Variants in UFL1 observed in about 807,000 individuals in gnomAD.
The protein encoded by UFL1 is UFM1 specific ligase 1.
A neutral mutation model predicts 99.3 loss-of-function variants in UFL1; 78 were observed. The ratio of observed to expected loss-of-function variants is 0.79; its 90% CI spans 0.65 to 0.95. The LOEUF is 0.95. Among genes scored for constraint, UFL1 ranks in the 40% least tolerant of loss-of-function variants. The probability of loss-of-function intolerance (pLI) is 0.00; values close to 1 mark genes in which losing one functional copy is unlikely to be tolerated. For missense variants in UFL1, 936 were observed against 937.0 expected (o/e 1.00, Z 0.01); for synonymous variants, 335 against 322.2 (o/e 1.04, Z -0.42).
intron 6 of UFL1, among the ~76,000 whole-genome samples, chr6:96,533,196 C>A (rs1037372032): frequency 6.6e-6 from 1 of 151,496 alleles, no homozygotes; most frequent in Non-Finnish European, 1.5e-5. Flanking sequence ...AGATTCTTTT[C>A]TTGTATCCTT....
chr6:96,549,885 G>A, intron 15 of UFL1, 86 bp downstream of exon 15: 5 of 1,502,022 alleles, frequency 3.3e-6, no homozygotes, highest in South Asian at 1.4e-5. Context: ...GAGTAAAGAG[G>A]AAAATAAAAT....
At chr6:96,531,470 C>T (rs1388270048) in intron 6 of UFL1, among the ~76,000 whole-genome samples, 1 of 152,092 alleles carries the variant, frequency 6.6e-6, no homozygotes, top group African/African-American at 2.4e-5. Context: ...CCTTATGTGA[C>T]TGGTTTCCCA....
chr6:96,554,469 T>TA lies in UFL1; in HGVS notation c.*969dup, dbSNP rs1282854943. 6.6e-6 allele frequency: 1 copy of TA among 152,068 alleles called. No individual in the cohort carries two copies. Among genetic ancestry groups the TA allele is most frequent in the East Asian group, 1.9e-4 (1 of 5,186 alleles). 9.4% of individuals were successfully genotyped at this position (152,068 alleles called of 1,614,324 possible). On this transcript the variant is annotated 3_prime_UTR_variant, in exon 19 of 19. Coordinates refer to ENST00000369278, the MANE Select transcript of UFL1 (RefSeq NM_015323.5). ...TTATTAAAAAATAGACATTTTTTTCTAAAGATTATTAGTTAAAAATAACTA... is the reference window on the plus strand; with the variant it reads ...TTATTAAAAAATAGACATTTTTTTCTAAAAGATTATTAGTTAAAAATAACTA...
At chr6:96,534,384 T>A in intron 7 of UFL1, 63 bp downstream of exon 7, 4 of 1,232,208 alleles carry the variant, frequency 3.2e-6, no homozygotes, top group Non-Finnish European at 4.5e-6. Context: ...ATGTAAAACT[T>A]ACTAACTTTA....
rs1041252727 is a variant in UFL1 at position 96,554,320 on chromosome 6, T to C, written c.*817T>C. On this transcript the variant is annotated 3_prime_UTR_variant, in exon 19 of 19. Coordinates refer to ENST00000369278, the MANE Select transcript of UFL1 (RefSeq NM_015323.5). Reference sequence around the variant, plus strand: ...CATTTTATTTTTTTAGTTCAACAGCTGCTCTGTCACATAATACTTTGTAAA... The same window carrying C: ...CATTTTATTTTTTTAGTTCAACAGCCGCTCTGTCACATAATACTTTGTAAA... 1 of 152,192 alleles carries C rather than the reference T, an allele frequency of 6.6e-6. No homozygotes were observed. The highest frequency in any genetic ancestry group is 2.4e-5 in the African/African-American group (1 of 41,454). 9.4% of individuals were successfully genotyped at this position (152,192 alleles called of 1,614,324 possible). A position where few individuals can be genotyped will look rare whatever the true frequency, so the allele number is the denominator to read the frequency against.
chr6:96,533,734 T>G (rs911528239), intron 6 of UFL1, among the ~76,000 whole-genome samples: 3 of 150,086 alleles, frequency 2.0e-5, no homozygotes, highest in Non-Finnish European at 4.4e-5. Flanking sequence ...TTATACCTTA[T>G]TGCAATAAAA....
chr6:96,544,431 G>T (rs1047273448), intron 12 of UFL1, among the ~76,000 whole-genome samples: 1 of 150,666 alleles, frequency 6.6e-6, no homozygotes, highest in Non-Finnish European at 1.5e-5. Flanking sequence ...AATGATAATA[G>T]ATTGAGATTT....
chr6:96,530,077 G>T (rs1032494557), intron 6 of UFL1, among the ~76,000 whole-genome samples: 2 of 152,060 alleles, frequency 1.3e-5, no homozygotes, highest in South Asian at 4.1e-4. Flanking sequence ...TGTTCTACTG[G>T]TTATTGTAAT....
At chr6:96,547,080 C>T (rs1284494803) in intron 12 of UFL1, among the ~76,000 whole-genome samples, 3 of 151,470 alleles carry the variant, frequency 2.0e-5, no homozygotes, top group Non-Finnish European at 4.4e-5. Flanking sequence ...AAAATATATG[C>T]GAATTATGCT....
rs1399109627 is a variant in UFL1 at position 96,522,081 on chromosome 6, C to T, written c.77+131C>T. On this transcript the variant is annotated intron_variant, in intron 1 of 18. Transcript: ENST00000369278. ...TGCTTGTCACCATTCTCTCCTCCTC[C>T]CTCTGTCCCGAGCCTGGATCGCAGT... The T allele has an allele frequency of 8.6e-5, 93 of 1,077,044 alleles. No individual in the cohort carries two copies. The East Asian group carries it at 2.2e-3, about 25-fold the overall frequency. The allele number at this position is 1,077,044 out of a possible 1,614,324, so 66.7% of individuals were successfully genotyped here. A position where few individuals can be genotyped will look rare whatever the true frequency, so the allele number is the denominator to read the frequency against.
At position 96,521,898 on chromosome 6, in the gene UFL1, A is replaced by G. The variant is rs1239092602; in HGVS notation, c.25A>G (p.Arg9Gly). Residue 9 changes from arginine to glycine, a missense_variant, in exon 1 of 19, where the codon AGG becomes GGG. Transcript: ENST00000369278. MADAWEEI[R>G]RLAADFQRAQ... ...GATGGCGGACGCCTGGGAAGAGATT[A>G]GGCGGTTGGCGGCCGACTTCCAGCG... 6.2e-7 allele frequency: 1 copy of G among 1,612,694 alleles called. No homozygotes were observed. Among genetic ancestry groups the G allele is most frequent in the South Asian group, 1.1e-5 (1 of 90,696 alleles).
At chr6:96,535,836 A>C (rs1769845044) in intron 7 of UFL1, among the ~76,000 whole-genome samples, 1 of 152,060 alleles carries the variant, frequency 6.6e-6, no homozygotes, top group Non-Finnish European at 1.5e-5. Context: ...ATTTTTTTAA[A>C]TATTAAAAAA....
At position 96,548,268 on chromosome 6, in the gene UFL1, G is replaced by T; in HGVS notation, c.1507G>T (p.Glu503Ter). The change falls in exon 13 of 19, where the codon GAG (glutamate) becomes TAG (stop). Residue 503 changes from glutamate to a stop codon, truncating the protein, a stop_gained. Coordinates refer to ENST00000369278, the MANE Select transcript of UFL1 (RefSeq NM_015323.5). LOFTEE classifies it high-confidence loss of function. ...TGAGGAGTTTATTTCGGAACTTGCT[G>T]AGTACTTAATAAAGCAAGTATAAAA... ...APEEFISELA[E>*]YLIKPLNKTY... 1 of 1,583,960 alleles carries T rather than the reference G, an allele frequency of 6.3e-7. No individual in the cohort carries two copies. Among genetic ancestry groups the T allele is most frequent in the South Asian group, 1.2e-5 (1 of 86,802 alleles).
chr6:96,529,903 A>G (rs1291152989), intron 6 of UFL1, among the ~76,000 whole-genome samples: 2 of 152,102 alleles, frequency 1.3e-5, no homozygotes, highest in Non-Finnish European at 2.9e-5. Flanking sequence ...TTTTTTCTGA[A>G]CAATTTGAGA....
In UFL1 at chr6:96,549,702, T is replaced by C; in HGVS notation, c.1721T>C (p.Leu574Pro). 1 of 1,612,228 alleles carries C rather than the reference T, an allele frequency of 6.2e-7. No homozygotes were observed. Among genetic ancestry groups the C allele is most frequent in the South Asian group, 1.1e-5 (1 of 90,940 alleles). ...CAGGCTGCTCTTACCAAACACTTGCTGAAGTCAGTGTGTACTGATATCACT... is the reference window on the plus strand; with the variant it reads ...CAGGCTGCTCTTACCAAACACTTGCCGAAGTCAGTGTGTACTGATATCACT... ...DTQAALTKHL[L>P]KSVCTDITNL... Residue 574 changes from leucine to proline, a missense_variant, in exon 15 of 19, where the codon CTG (leucine) becomes CCG (proline). Coordinates refer to ENST00000369278, the MANE Select transcript of UFL1 (RefSeq NM_015323.5).
chr6:96,525,591 C>T (rs1343877238), intron 4 of UFL1, among the ~76,000 whole-genome samples, 197 bp downstream of exon 4: 1 of 151,330 alleles, frequency 6.6e-6, no homozygotes, highest in South Asian at 2.1e-4. Flanking sequence ...CCTGTAATCC[C>T]AGCTACTCAG....
intron 6 of UFL1, among the ~76,000 whole-genome samples, chr6:96,530,713 G>C (rs1168505394): frequency 6.6e-6 from 1 of 152,132 alleles, no homozygotes; most frequent in Non-Finnish European, 1.5e-5. Flanking sequence ...TCTGGCTTAA[G>C]ATGTTCCAGG....
At position 96,548,297 on chromosome 6, in the gene UFL1, A is replaced by AT. The variant is rs1562256581; in HGVS notation, c.1520+22dup. 6.8e-7 allele frequency: 1 copy of AT among 1,463,936 alleles called. No homozygotes were observed. The highest frequency in any genetic ancestry group is 9.3e-7 in the Non-Finnish European group (1 of 1,077,090). 90.7% of individuals were successfully genotyped at this position (1,463,936 alleles called of 1,614,324 possible). ...ACTTAATAAAGCAAGTATAAAATGT[A>AT]TTTTTTCTGTTTTATGGTAGAAATT... On this transcript the variant is annotated intron_variant, in intron 13 of 18. Transcript: ENST00000369278.
At chr6:96,527,101 A>C (rs984070482) in intron 5 of UFL1, among the ~76,000 whole-genome samples, 2 of 152,086 alleles carry the variant, frequency 1.3e-5, no homozygotes, top group Non-Finnish European at 1.5e-5. Flanking sequence ...CTGCCTGAAA[A>C]CATAGGCTAT....
Sources: allele counts gnomAD v4.1 joint callset (sites outside exome capture counted in the v4.1 genomes callset), GRCh38; gene constraint gnomAD v4.1.1; transcripts MANE v1.5; gene names NCBI Gene and HGNC (gene_info 2026-07-23, HGNC 2026-07-21).